Variants in ICA1L observed in about 807,000 individuals in gnomAD.
ICA1L encodes the protein islet cell autoantigen 1-like protein.
A neutral mutation model predicts 61.3 loss-of-function variants in ICA1L; 50 were observed. That is an observed-to-expected ratio of 0.82 (90% CI 0.65 to 1.03). The LOEUF is 1.03. Ranked by LOEUF, ICA1L falls within the 50% of genes least tolerant of loss-of-function variation. The pLI is 0.00. For missense variants in ICA1L, 508 were observed against 556.7 expected (o/e 0.91, Z 0.88); for synonymous variants, 161 against 191.3 (o/e 0.84, Z 1.31).
rs761720304 is a variant in ICA1L, at chr2:202,858,627, TAAAGTA to T, written c.-8+12986_-8+12991del. 2.0e-4 allele frequency among the ~76,000 whole-genome samples: 30 copies of T among 152,324 alleles called. No homozygotes were observed. The East Asian group carries it at 3.3e-3, about 17-fold the overall frequency. On this transcript the variant is annotated intron_variant, in intron 1 of 12. Coordinates refer to ENST00000358299, the MANE Select transcript of ICA1L (RefSeq NM_001288622.3). The stretch of plus-strand genomic sequence containing the variant: ...TGTTCTGCACATGTATCCCAGAACT[TAAAGTA>T]AAAGTTAAAAAAGAAACCTGTTTAA...
chr2:202,820,876 C>T (rs1308756925), intron 4 of ICA1L, among the ~76,000 whole-genome samples: 2 of 152,062 alleles, frequency 1.3e-5, no homozygotes, highest in Non-Finnish European at 2.9e-5. Context: ...TTAGTAATTA[C>T]AGGAGATTCT....
chr2:202,852,734 G>A (rs1381925297), intron 1 of ICA1L, among the ~76,000 whole-genome samples: 33 of 145,320 alleles, frequency 2.3e-4, no homozygotes, highest in African/African-American at 7.6e-4. Flanking sequence ...AGCACCTATT[G>A]TTTTCTGACT....
At chr2:202,792,344 C>T (rs566446880) in intron 10 of ICA1L, among the ~76,000 whole-genome samples, 1 of 152,038 alleles carries the variant, frequency 6.6e-6, no homozygotes, top group East Asian at 1.9e-4. Context: ...GGGAATCTAA[C>T]CAAGGAAAAT....
At chr2:202,850,054 G>A (rs1435311652) in intron 1 of ICA1L, among the ~76,000 whole-genome samples, 2 of 152,058 alleles carry the variant, frequency 1.3e-5, no homozygotes, top group Non-Finnish European at 2.9e-5. Flanking sequence ...TGCAGAAGAG[G>A]GGCCTGTTAG....
intron 1 of ICA1L, among the ~76,000 whole-genome samples, chr2:202,866,083 A>C (rs927282422): frequency 1.3e-5 from 2 of 152,230 alleles, no homozygotes; most frequent in Non-Finnish European, 2.9e-5. Flanking sequence ...TAGATCCATA[A>C]ATATACAACC....
rs903346326 is a variant in ICA1L, at chr2:202,774,030, G to T, written c.*5503C>A. ...TTATTTTTTTAAATTATGAACTAGC[G>T]CTGCTCCACTTCTTGCTTCTTTGAT... On this transcript the variant is annotated 3_prime_UTR_variant, in exon 13 of 13. Transcript: ENST00000358299. 106 of 869,644 alleles carry T rather than the reference G, an allele frequency of 1.2e-4. No homozygotes were observed. Among genetic ancestry groups the T allele is most frequent in the Middle Eastern group, 1.1e-3 (5 of 4,464 alleles). The allele number at this position is 869,644 out of a possible 1,614,324, so 53.9% of individuals were successfully genotyped here.
chr2:202,861,021 G>A (rs1049528344), intron 1 of ICA1L, among the ~76,000 whole-genome samples: 2 of 151,674 alleles, frequency 1.3e-5, no homozygotes. Flanking sequence ...CCTGAGGTAC[G>A]GAGTTCAAGA....
chr2:202,786,564 A>C (rs560786448), intron 11 of ICA1L: 84 of 242,122 alleles, frequency 3.5e-4, no homozygotes, highest in African/African-American at 1.9e-3. Context: ...TCAAAAAAAA[A>C]ATAATAATAA....
intron 1 of ICA1L, among the ~76,000 whole-genome samples, chr2:202,838,609 G>C (rs1694217416): frequency 6.6e-6 from 1 of 152,148 alleles, no homozygotes; most frequent in South Asian, 2.1e-4. Flanking sequence ...GATGTTGCAT[G>C]TAACACATAT....
chr2:202,842,307 T>C (rs1283843102), intron 1 of ICA1L, among the ~76,000 whole-genome samples: 1 of 152,256 alleles, frequency 6.6e-6, no homozygotes, highest in Admixed American at 6.5e-5. Flanking sequence ...TCCTCTCAGC[T>C]TGAAGAACTC....
At chr2:202,806,267 T>A (rs1369408495) in intron 9 of ICA1L, among the ~76,000 whole-genome samples, 2 of 152,118 alleles carry the variant, frequency 1.3e-5, no homozygotes, top group Non-Finnish European at 2.9e-5. Context: ...TCAGCCACAG[T>A]AGGATAGGGG....
At chr2:202,829,565 T>C (rs915012347) in intron 1 of ICA1L, among the ~76,000 whole-genome samples, 1 of 152,138 alleles carries the variant, frequency 6.6e-6, no homozygotes, top group Non-Finnish European at 1.5e-5. Context: ...CTCAGCCTCA[T>C]GCAGCACTGG....
intron 3 of ICA1L, 49 bp downstream of exon 3, chr2:202,825,646 A>G (rs749883200): frequency 1.6e-5 from 22 of 1,367,306 alleles, no homozygotes; most frequent in Non-Finnish European, 2.1e-5. Context: ...AAAAATGCTA[A>G]TATTTATTTT....
chr2:202,861,916 G>GA (rs1694928287), intron 1 of ICA1L, among the ~76,000 whole-genome samples: 1 of 131,324 alleles, frequency 7.6e-6, no homozygotes, highest in Non-Finnish European at 1.6e-5. Context: ...GTGAAACCAT[G>GA]AAAGTTTTAA....
In ICA1L at chr2:202,828,862, C is replaced by A; in HGVS notation, c.148G>T (p.Asp50Tyr). ...CTCAAATTTACCTCAAGTTTAGCATCCAGTTCAGCATCAGACGCCACCAAG... is the reference window on the plus strand; with the variant it reads ...CTCAAATTTACCTCAAGTTTAGCATACAGTTCAGCATCAGACGCCACCAAG... Reference protein sequence around the residue: ...EHLVASDAELDAKLEVFHSVQ... With the variant: ...EHLVASDAELYAKLEVFHSVQ... Residue 50 changes from aspartate to tyrosine, a missense_variant, in exon 2 of 13, where the codon GAT (aspartate) becomes TAT (tyrosine). Coordinates refer to ENST00000358299, the MANE Select transcript of ICA1L (RefSeq NM_001288622.3). 3 of 1,613,810 alleles carry A rather than the reference C, an allele frequency of 1.9e-6. No individual in the cohort carries two copies. Among genetic ancestry groups the A allele is most frequent in the Non-Finnish European group, 2.5e-6 (3 of 1,179,782 alleles).
At chr2:202,851,876 G>A (rs1469361950) in intron 1 of ICA1L, among the ~76,000 whole-genome samples, 2 of 152,104 alleles carry the variant, frequency 1.3e-5, no homozygotes, top group Admixed American at 1.3e-4. Context: ...TTGTAAATTT[G>A]TTTGAGTTCT....
Position 202,825,749 on chromosome 2 carries a change from C to T in ICA1L, c.181G>A (p.Glu61Lys). ...AKLEVFHSVQ[E>K]TCTELLKIIE... is the part of the protein sequence containing the mutation. ...ATCTTCAGAAGTTCAGTGCATGTCT[C>T]TTGAACAGAGTGAAAAACCTTGAGA... The change falls in exon 3 of 13, where the codon GAG (glutamate) becomes AAG (lysine). Residue 61 changes from glutamate (E) to lysine (K), a missense_variant. Glu to Lys is a moderately conservative substitution (Grantham distance 56). Coordinates refer to ENST00000358299, the MANE Select transcript of ICA1L (RefSeq NM_001288622.3). 1 of 1,575,182 alleles carries T rather than the reference C, an allele frequency of 6.3e-7. No homozygotes were observed. Among genetic ancestry groups the T allele is most frequent in the Non-Finnish European group, 8.7e-7 (1 of 1,155,478 alleles).
At chr2:202,840,232 T>G (rs1382872939) in intron 1 of ICA1L, 3 of 423,484 alleles carry the variant, frequency 7.1e-6, no homozygotes, top group African/African-American at 6.2e-5. Flanking sequence ...GAGCCTCAGG[T>G]GGGTCTCCTG....
At chr2:202,787,443 GAATA>G (rs1692620375) in intron 11 of ICA1L, among the ~76,000 whole-genome samples, 1 of 152,168 alleles carries the variant, frequency 6.6e-6, no homozygotes, top group Admixed American at 6.5e-5. Flanking sequence ...TGCCACACAA[GAATA>G]AATATTTTTA....
Sources: gnomAD v4.1 joint callset for allele counts (sites outside exome capture counted in the v4.1 genomes callset) on GRCh38, gnomAD v4.1.1 for gene constraint, MANE v1.5 for transcripts, NCBI Gene and HGNC (gene_info 2026-07-23, HGNC 2026-07-21) for gene names.